The following NEK11 variants were observed in gnomAD, a reference collection of about 807,000 sequenced individuals.
NEK11 encodes the protein NIMA related kinase 11, also known as serine/threonine-protein kinase Nek11.
A neutral mutation model predicts 80.7 loss-of-function variants in NEK11; 72 were observed. The observed-to-expected ratio is 0.89, with a 90% CI of 0.74 to 1.08. NEK11 has a LOEUF of 1.08. Among genes scored for constraint, NEK11 ranks in the 50% least tolerant of loss-of-function variants. The probability of loss-of-function intolerance (pLI) is 0.00; values close to 1 mark genes in which losing one functional copy is unlikely to be tolerated. For missense variants in NEK11, 764 were observed against 763.6 expected (o/e 1.00, Z -0.01); for synonymous variants, 251 against 260.7 (o/e 0.96, Z 0.36).
At chr3:131,078,873 C>CT (rs769791475) in intron 3 of NEK11, among the ~76,000 whole-genome samples, 3,525 of 139,032 alleles carry the variant, frequency 0.025, 124 homozygotes, top group African/African-American at 0.077. Flanking sequence ...ACTCCTTCAT[C>CT]TTTTTTTTTT....
chr3:131,204,469 C>T (rs759661364), intron 14 of NEK11, among the ~76,000 whole-genome samples: 1 of 152,086 alleles, frequency 6.6e-6, no homozygotes, highest in Non-Finnish European at 1.5e-5. Flanking sequence ...AGCTCTCAAC[C>T]TGTGAGATCT....
At chr3:131,138,389 C>T (rs1306931831) in intron 7 of NEK11, among the ~76,000 whole-genome samples, 1 of 152,094 alleles carries the variant, frequency 6.6e-6, no homozygotes, top group Non-Finnish European at 1.5e-5. Context: ...AGCACAGCCA[C>T]AGTAGAATAT....
At chr3:131,032,855 C>T (rs549963507) in intron 3 of NEK11, among the ~76,000 whole-genome samples, 2 of 152,254 alleles carry the variant, frequency 1.3e-5, no homozygotes, top group African/African-American at 4.8e-5. Context: ...TATAAACAAT[C>T]CAAGTTAAAA....
intron 3 of NEK11, among the ~76,000 whole-genome samples, chr3:131,078,332 G>A (rs960831145): frequency 1.3e-5 from 2 of 151,788 alleles, no homozygotes; most frequent in Non-Finnish European, 2.9e-5. Flanking sequence ...ATTGCTCTGG[G>A]AAAAAAAAGG....
intron 7 of NEK11, among the ~76,000 whole-genome samples, chr3:131,138,686 A>G (rs1219417704): frequency 1.3e-5 from 2 of 152,178 alleles, no homozygotes; most frequent in African/African-American, 4.8e-5. Flanking sequence ...CTTAATACAG[A>G]GACCCCATTT....
At chr3:131,234,930 C>A (rs1258495034) in intron 15 of NEK11, among the ~76,000 whole-genome samples, 1 of 151,814 alleles carries the variant, frequency 6.6e-6, no homozygotes, top group Non-Finnish European at 1.5e-5. Context: ...AAATTAGGTC[C>A]ATTATAGGGT....
At chr3:131,317,018 T>C (rs1393606929) in intron 17 of NEK11, among the ~76,000 whole-genome samples, 2 of 152,214 alleles carry the variant, frequency 1.3e-5, no homozygotes, top group African/African-American at 4.8e-5. Flanking sequence ...AAAGTTGAGA[T>C]GCTTGCAAGC....
intron 14 of NEK11, among the ~76,000 whole-genome samples, chr3:131,203,815 A>G (rs2094354960): frequency 2.4e-5 from 2 of 82,660 alleles, no homozygotes; most frequent in African/African-American, 1.1e-4. Context: ...ATATATATAT[A>G]TATATATATA....
chr3:131,126,576 T>C (rs1249454817), intron 5 of NEK11, among the ~76,000 whole-genome samples: 2 of 152,230 alleles, frequency 1.3e-5, no homozygotes, highest in African/African-American at 4.8e-5. Flanking sequence ...ACTTTCCATG[T>C]AACAGACATT....
intron 14 of NEK11, among the ~76,000 whole-genome samples, chr3:131,200,695 A>G (rs1054856776): frequency 2.6e-5 from 4 of 152,224 alleles, no homozygotes; most frequent in African/African-American, 9.6e-5. Context: ...GCCCCCCTGT[A>G]GTTCTTGCTT....
intron 16 of NEK11, among the ~76,000 whole-genome samples, chr3:131,249,301 C>G (rs752864397): frequency 1.2e-4 from 18 of 152,040 alleles, no homozygotes; most frequent in Admixed American, 3.9e-4. Flanking sequence ...CTAGGAGAAG[C>G]AAGGCAACTG....
At position 131,263,754 on chromosome 3, in the gene NEK11, G is replaced by C. The variant is rs538138872; in HGVS notation, c.1622-9724G>C. Among the ~76,000 whole-genome samples, 9 of 152,196 alleles carry C rather than the reference G, an allele frequency of 5.9e-5. No individual in the cohort carries two copies. The South Asian group carries it at 1.7e-3, about 28-fold the overall frequency. ...TAGTAATGGGGTCACTGGGTCAAAT[G>C]GTATTTCTAGTTCTAGATCCTTGAG... On this transcript the variant is annotated intron_variant, in intron 16 of 17. Transcript: ENST00000383366.
chr3:131,031,964 G>GTTT (rs71620101), intron 3 of NEK11, among the ~76,000 whole-genome samples: 3 of 135,002 alleles, frequency 2.2e-5, no homozygotes, highest in Non-Finnish European at 3.3e-5. Flanking sequence ...AAATTAATCA[G>GTTT]TTTTTTTTTT....
At chr3:131,118,728 C>T (rs561582856) in intron 5 of NEK11, among the ~76,000 whole-genome samples, 17 of 152,182 alleles carry the variant, frequency 1.1e-4, no homozygotes, top group South Asian at 6.2e-4. Flanking sequence ...GGAATTTATC[C>T]GTTTGTTCTA....
rs2076718016 is a variant in NEK11, at chr3:131,091,461, C to G, written c.336+10873C>G. The stretch of plus-strand genomic sequence containing the variant: ...TACCCACCTCTGTTGTTCTGCATCT[C>G]TCCTTCCACTTGAAAGATTGTAAGC... On this transcript the variant is annotated intron_variant, in intron 4 of 17. Transcript: ENST00000383366. Among the ~76,000 whole-genome samples, 3 of 152,298 alleles carry G rather than the reference C, an allele frequency of 2.0e-5. No individual in the cohort carries two copies. The South Asian group carries it at 6.2e-4, about 32-fold the overall frequency.
intron 4 of NEK11, among the ~76,000 whole-genome samples, chr3:131,104,760 A>G (rs776353621): frequency 2.0e-4 from 31 of 152,198 alleles, no homozygotes; most frequent in Non-Finnish European, 4.3e-4. Context: ...ATGGAGCTCA[A>G]TGTGGGCTTC....
intron 3 of NEK11, among the ~76,000 whole-genome samples, chr3:131,063,341 G>A (rs1286723530): frequency 2.6e-5 from 4 of 152,128 alleles, no homozygotes; most frequent in South Asian, 2.1e-4. Flanking sequence ...GAGCTTTTAC[G>A]TCATCTAACC....
chr3:131,162,485 T>C lies in NEK11; in HGVS notation c.1040T>C (p.Leu347Pro). The C allele has an allele frequency of 6.2e-7, 1 of 1,614,134 alleles. No homozygotes were observed. Among genetic ancestry groups the C allele is most frequent in the Non-Finnish European group, 8.5e-7 (1 of 1,180,000 alleles). Residue 347 changes from leucine (L) to proline (P), a missense_variant, in exon 11 of 18, where the codon CTG becomes CCG. By Grantham distance (98) the Leu-to-Pro change is moderately conservative. Coordinates refer to ENST00000383366, the MANE Select transcript of NEK11 (RefSeq NM_024800.5). ...QKMTPRERMR[L>P]RKLQAADEKA... ...ATGACGCCAAGAGAAAGGATGCGGC[T>C]GAGGAAGCTCCAGGCGGCTGATGAG...
At chr3:131,264,527 G>A (rs1056309800) in intron 16 of NEK11, among the ~76,000 whole-genome samples, 1 of 152,134 alleles carries the variant, frequency 6.6e-6, no homozygotes, top group African/African-American at 2.4e-5. Flanking sequence ...GGTTGTAGAT[G>A]TGTGGTATTA....
Sources: allele counts gnomAD v4.1 joint callset (sites outside exome capture counted in the v4.1 genomes callset), GRCh38; gene constraint gnomAD v4.1.1; transcripts MANE v1.5; gene names NCBI Gene and HGNC (gene_info 2026-07-23, HGNC 2026-07-21).